The following RP1 variants were observed in gnomAD, a reference collection of about 807,000 sequenced individuals.
RP1 encodes oxygen-regulated protein 1.
A neutral mutation model predicts 14.8 loss-of-function variants in RP1; 16 were observed. That is an observed-to-expected ratio of 1.08 (90% CI 0.73 to 1.65). The LOEUF (loss-of-function observed/expected upper bound fraction) is 1.65. RP1 is among the 40% of genes most tolerant of loss of function. The pLI, the probability that RP1 is intolerant of heterozygous loss-of-function variation, is 0.00. For synonymous variants in RP1, 876 were observed against 883.6 expected (o/e 0.99, Z 0.15); for missense variants, 2,631 against 2,535.0 (o/e 1.04, Z -0.81).
At position 54,588,641 on chromosome 8, in the gene RP1, G is replaced by T. The variant is rs188923233; in HGVS notation, c.-13+29321G>T. ...AAGCTAGTGTTAGTAGCCTGAAGGC[G>T]CAGGCATAGGGAAATAAGAATATTG... On this transcript the variant is annotated intron_variant, in intron 1 of 22. Transcript: ENST00000636932. Among the ~76,000 whole-genome samples, 226 of 152,278 alleles carry T rather than the reference G, an allele frequency of 1.5e-3. 1 individual carries two copies. Among genetic ancestry groups the T allele is most frequent in the Non-Finnish European group, 1.8e-3 (121 of 68,018 alleles).
At chr8:54,797,952 T>C (rs1043155402) in intron 24 of RP1, among the ~76,000 whole-genome samples, 116 of 149,848 alleles carry the variant, frequency 7.7e-4, no homozygotes, top group Non-Finnish European at 9.9e-4. Flanking sequence ...TTTAGACACA[T>C]GTCACATTAT....
At chr8:54,577,042 G>C (rs1268222323) in intron 1 of RP1, among the ~76,000 whole-genome samples, 13 of 151,830 alleles carry the variant, frequency 8.6e-5, no homozygotes, top group Non-Finnish European at 1.9e-4. Flanking sequence ...TTTTGAGATG[G>C]TGTTTCACAC....
At chr8:54,693,533 T>C (rs1102368) in intron 12 of RP1, among the ~76,000 whole-genome samples, 68,262 of 151,942 alleles carry the variant, frequency 0.45, 17,109 homozygotes, top group African/African-American at 0.68. Context: ...AGGTCCTTCC[T>C]GTCCCTTGTA....
At chr8:54,676,781 T>C (rs1289906620) in intron 8 of RP1, among the ~76,000 whole-genome samples, 1 of 152,234 alleles carries the variant, frequency 6.6e-6, no homozygotes, top group Non-Finnish European at 1.5e-5. Context: ...CAAAGTATTG[T>C]TAAAATCAAT....
chr8:54,836,727 G>A (rs1811665941), intron 24 of RP1, among the ~76,000 whole-genome samples: 1 of 152,180 alleles, frequency 6.6e-6, no homozygotes, highest in Non-Finnish European at 1.5e-5. Flanking sequence ...TAGAGGCTCA[G>A]CTGAGCCACA....
chr8:54,619,003 A>G (rs1383530865), intron 1 of RP1, among the ~76,000 whole-genome samples: 1 of 152,196 alleles, frequency 6.6e-6, no homozygotes, highest in African/African-American at 2.4e-5. Context: ...TCCTTCTTAC[A>G]GTTGCTGAGG....
chr8:54,784,307 A>G (rs1049462679), intron 24 of RP1, among the ~76,000 whole-genome samples: 2 of 152,134 alleles, frequency 1.3e-5, no homozygotes, highest in Non-Finnish European at 2.9e-5. Flanking sequence ...AGTATCTGAA[A>G]TGCTCAATAA....
At chr8:54,783,696 G>A in exon 24 of RP1, 1 of 1,231,058 alleles carries the variant, frequency 8.1e-7, no homozygotes. Flanking sequence ...CCCTAACACT[G>A]CAGATATATT....
chr8:54,761,790 G>A (rs1440206997), intron 22 of RP1, among the ~76,000 whole-genome samples: 1 of 152,126 alleles, frequency 6.6e-6, no homozygotes, highest in East Asian at 1.9e-4. Context: ...GATGAAGAAA[G>A]TAAGTTGCAA....
intron 27 of RP1, among the ~76,000 whole-genome samples, chr8:54,863,728 C>A (rs1812400963): frequency 6.6e-6 from 1 of 152,162 alleles, no homozygotes; most frequent in African/African-American, 2.4e-5. Context: ...TAACACAAAT[C>A]CCCAAACAGC....
chr8:54,669,515 C>T (rs1431233550), intron 7 of RP1, among the ~76,000 whole-genome samples: 1 of 152,088 alleles, frequency 6.6e-6, no homozygotes, highest in African/African-American at 2.4e-5. Flanking sequence ...GACCCAGCGA[C>T]CCCATTACTG....
At chr8:54,585,182 G>A (rs1268988725) in intron 1 of RP1, among the ~76,000 whole-genome samples, 1 of 152,120 alleles carries the variant, frequency 6.6e-6, no homozygotes, top group Non-Finnish European at 1.5e-5. Flanking sequence ...GCTCTTTTAG[G>A]GCAGGCCTGG....
chr8:54,865,785 G>C (rs1300161305), intron 27 of RP1: 1 of 655,292 alleles, frequency 1.5e-6, no homozygotes, highest in Non-Finnish European at 2.2e-6. Context: ...CACAATGCTG[G>C]TATTTTTAAG....
rs1806228468 is a variant in RP1, at chr8:54,630,619, T to C, written c.*266T>C. 8.3e-7 allele frequency: 1 copy of C among 1,198,462 alleles called. No individual in the cohort carries two copies. The highest frequency in any genetic ancestry group is 1.9e-5 in the South Asian group (1 of 51,302). The allele number at this position is 1,198,462 out of a possible 1,614,324, so 74.2% of individuals were successfully genotyped here. ...ACTTACATTTTTTTTTTTTTTGGTA[T>C]CTATGATTTTTTTTGCTCAGGGCAT... is the stretch of plus-strand genomic sequence containing the variant. On this transcript the variant is annotated 3_prime_UTR_variant, in exon 4 of 4. Transcript: ENST00000220676.
At chr8:54,868,631 A>G (rs1812512617) in intron 28 of RP1, among the ~76,000 whole-genome samples, 1 of 152,156 alleles carries the variant, frequency 6.6e-6, no homozygotes, top group African/African-American at 2.4e-5. Flanking sequence ...TGTTGTTTCT[A>G]TGATATAACT....
intron 25 of RP1, among the ~76,000 whole-genome samples, chr8:54,844,270 A>T (rs1436497079): frequency 2.6e-5 from 4 of 152,208 alleles, no homozygotes; most frequent in African/African-American, 7.2e-5. Flanking sequence ...ATTTAGCTCA[A>T]TTTATTTATT....
At chr8:54,661,289 A>AAATGATATATATATATGATATATC (rs1554522264) in intron 6 of RP1, among the ~76,000 whole-genome samples, 23 of 132,656 alleles carry the variant, frequency 1.7e-4, no homozygotes, top group African/African-American at 2.8e-4. Context: ...TATGATATAT[A>AAATGATATATATATATGATATATC]AATGATATAT....
intron 17 of RP1, among the ~76,000 whole-genome samples, chr8:54,727,770 T>G (rs963442867): frequency 6.6e-6 from 1 of 151,838 alleles, no homozygotes; most frequent in African/African-American, 2.4e-5. Context: ...ATTTGATAGG[T>G]GAGCTGTTCA....
rs59543541 is a variant in RP1 at position 54,565,336 on chromosome 8, G to A, written c.-13+6016G>A. Among the ~76,000 whole-genome samples, 834 of 152,274 alleles carry A rather than the reference G, an allele frequency of 5.5e-3. 12 individuals carry two copies. The highest frequency in any genetic ancestry group is 0.019 in the African/African-American group (802 of 41,558). On this transcript the variant is annotated intron_variant, in intron 1 of 22. Transcript: ENST00000636932. ...TCCCAGCACTTTGGGAGGCCAAGGT[G>A]GGCAGATCAACTGAGGTCAGGAGTT...
Sources: allele counts gnomAD v4.1 joint callset (sites outside exome capture counted in the v4.1 genomes callset), GRCh38; gene constraint gnomAD v4.1.1; transcripts MANE v1.5; gene names NCBI Gene and HGNC (gene_info 2026-07-23, HGNC 2026-07-21).